The following RASAL2 variants were observed in gnomAD, a reference collection of about 807,000 sequenced individuals.
The protein encoded by RASAL2 is RAS protein activator like 2, also known as ras GTPase-activating protein nGAP.
Under a neutral mutation model 128.9 loss-of-function variants are expected in RASAL2, and 58 were observed. The observed-to-expected ratio is 0.45, with a 90% CI of 0.36 to 0.56. RASAL2 has a LOEUF of 0.56. RASAL2 is among the 20% of genes least tolerant of loss of function. RASAL2 has a pLI of 0.00. For missense variants in RASAL2, 1,360 were observed against 1,601.6 expected (o/e 0.85, Z 2.57); for synonymous variants, 561 against 580.8 (o/e 0.97, Z 0.49).
chr1:178,274,361 A>AAG, intron 1 of RASAL2, among the ~76,000 whole-genome samples: 1 of 152,306 alleles, frequency 6.6e-6, no homozygotes, highest in South Asian at 2.1e-4. Context: ...AAGTGATGCG[A>AAG]TCCAATTCAA....
At chr1:178,407,114 T>C (rs78835242) in intron 4 of RASAL2, among the ~76,000 whole-genome samples, 1 of 152,288 alleles carries the variant, frequency 6.6e-6, no homozygotes, top group East Asian at 1.9e-4. Flanking sequence ...ATGCTTAAAT[T>C]TGAAAAACAA....
chr1:178,271,910 A>G (rs1237805422), intron 1 of RASAL2, among the ~76,000 whole-genome samples: 2 of 152,162 alleles, frequency 1.3e-5, no homozygotes, highest in African/African-American at 4.8e-5. Flanking sequence ...AGATTGTTGA[A>G]GTAGGACCAC....
Position 178,277,742 on chromosome 1 carries a change from C to G in RASAL2, c.203-5822C>G, listed in dbSNP as rs754671475. Among the ~76,000 whole-genome samples, 7 of 152,280 alleles carry G rather than the reference C, an allele frequency of 4.6e-5. 1 individual carries two copies. Among genetic ancestry groups the G allele is most frequent in the Admixed American group, 1.3e-4 (2 of 15,292 alleles). On this transcript the variant is annotated intron_variant, in intron 1 of 17. Transcript: ENST00000367649. ...TTCTCTTTTAGTGTATTAAGACCTT[C>G]CCTATTCAGATAGATTTCCCAAAAC... is the stretch of plus-strand genomic sequence containing the variant.
chr1:178,364,980 G>A (rs1037755469), intron 3 of RASAL2, among the ~76,000 whole-genome samples: 11 of 151,286 alleles, frequency 7.3e-5, no homozygotes, highest in African/African-American at 2.2e-4. Flanking sequence ...AATCATTAAC[G>A]TCTTTAAACA....
At chr1:178,171,826 T>C (rs918903955) in intron 1 of RASAL2, among the ~76,000 whole-genome samples, 2 of 151,964 alleles carry the variant, frequency 1.3e-5, no homozygotes, top group Non-Finnish European at 2.9e-5. Flanking sequence ...TCTCTACAAA[T>C]TTGCCTTCTT....
intron 1 of RASAL2, among the ~76,000 whole-genome samples, chr1:178,163,095 C>T (rs764975935): frequency 2.6e-5 from 4 of 151,802 alleles, no homozygotes; most frequent in Non-Finnish European, 4.4e-5. Context: ...CTCAGCCTCC[C>T]GAGTAGCTGG....
chr1:178,386,486 T>G (rs1257374749), intron 3 of RASAL2, among the ~76,000 whole-genome samples: 2 of 152,206 alleles, frequency 1.3e-5, no homozygotes, highest in Non-Finnish European at 2.9e-5. Context: ...TCATTCTATA[T>G]GGAGCTGTAT....
chr1:178,184,829 A>T (rs925782800), intron 1 of RASAL2, among the ~76,000 whole-genome samples: 1 of 152,060 alleles, frequency 6.6e-6, no homozygotes, highest in African/African-American at 2.4e-5. Context: ...AACTTTAGGG[A>T]TAATTTGTTA....
chr1:178,346,412 A>AAAAAAAG (rs1670158332), intron 3 of RASAL2, among the ~76,000 whole-genome samples: 1 of 151,974 alleles, frequency 6.6e-6, no homozygotes, highest in Admixed American at 6.6e-5. Context: ...TTAAAAAAAA[A>AAAAAAAG]AAAGAAAGAA....
chr1:178,146,293 T>C (rs140114349), intron 1 of RASAL2, among the ~76,000 whole-genome samples: 107 of 152,376 alleles, frequency 7.0e-4, no homozygotes, highest in African/African-American at 2.4e-3. Context: ...TTACTTGTTA[T>C]ATTCAAGCTC....
intron 1 of RASAL2, among the ~76,000 whole-genome samples, chr1:178,150,343 G>A (rs775569496): frequency 1.3e-5 from 2 of 151,756 alleles, no homozygotes; most frequent in East Asian, 1.9e-4. Context: ...TAGCCCTCAC[G>A]CCTGGCTAAT....
intron 1 of RASAL2, among the ~76,000 whole-genome samples, chr1:178,107,273 TA>T (rs1659126545): frequency 6.6e-6 from 1 of 152,172 alleles, no homozygotes; most frequent in Non-Finnish European, 1.5e-5. Context: ...ATATTTGTGT[TA>T]AAATGTATTA....
intron 2 of RASAL2, among the ~76,000 whole-genome samples, chr1:178,292,320 AGT>A (rs1667316663): frequency 6.6e-6 from 1 of 152,328 alleles, no homozygotes; most frequent in Non-Finnish European, 1.5e-5. Context: ...GTATTAAGTC[AGT>A]GTGTGGCATC....
intron 16 of RASAL2, 99 bp downstream of exon 16, chr1:178,466,221 A>G (rs1398622685): frequency 1.4e-4 from 163 of 1,190,898 alleles, no homozygotes; most frequent in Non-Finnish European, 1.8e-4. Context: ...AGCCATTTTT[A>G]TCCTTGTGGT....
chr1:178,243,324 A>C (rs1664604177), intron 1 of RASAL2, among the ~76,000 whole-genome samples: 1 of 152,134 alleles, frequency 6.6e-6, no homozygotes, highest in Non-Finnish European at 1.5e-5. Context: ...TGGTGCCTCT[A>C]GGAGGCAGAA....
intron 3 of RASAL2, among the ~76,000 whole-genome samples, chr1:178,335,283 A>T (rs1296924910): frequency 6.6e-6 from 1 of 152,154 alleles, no homozygotes; most frequent in Non-Finnish European, 1.5e-5. Flanking sequence ...CAAACCAAAG[A>T]CTATATATTT....
At chr1:178,136,272 T>C (rs1660321335) in intron 1 of RASAL2, among the ~76,000 whole-genome samples, 1 of 152,180 alleles carries the variant, frequency 6.6e-6, no homozygotes, top group African/African-American at 2.4e-5. Flanking sequence ...AGCAGAAAGA[T>C]TGTAGGCTTG....
intron 3 of RASAL2, among the ~76,000 whole-genome samples, chr1:178,336,303 A>G (rs1054404720): frequency 9.2e-5 from 14 of 152,060 alleles, no homozygotes; most frequent in Non-Finnish European, 2.9e-5. Context: ...AACTGCCTGC[A>G]GTAGTATTTT....
At chr1:178,104,786 G>A (rs1316399793) in intron 1 of RASAL2, among the ~76,000 whole-genome samples, 1 of 152,096 alleles carries the variant, frequency 6.6e-6, no homozygotes, top group African/African-American at 2.4e-5. Context: ...CTTAGTTGTT[G>A]TTTAAATGGT....
Sources: allele counts gnomAD v4.1 joint callset (sites outside exome capture counted in the v4.1 genomes callset), GRCh38; gene constraint gnomAD v4.1.1; transcripts MANE v1.5; gene names NCBI Gene and HGNC (gene_info 2026-07-23, HGNC 2026-07-21).